ATP8A2: variants seen among roughly 807,000 people sequenced by gnomAD.
The protein encoded by ATP8A2 is phospholipid-transporting ATPase IB.
A neutral mutation model predicts 165.6 loss-of-function variants in ATP8A2; 100 were observed. The ratio of observed to expected loss-of-function variants is 0.60; its 90% CI spans 0.51 to 0.71. The LOEUF (loss-of-function observed/expected upper bound fraction) is 0.71, where lower values mean the gene tolerates loss of function less well. Among genes scored for constraint, ATP8A2 ranks in the 30% least tolerant of loss-of-function variants. The pLI is 0.00. For missense variants in ATP8A2, 1,227 were observed against 1,479.5 expected, an observed-to-expected ratio of 0.83 and a Z score of 2.80; for synonymous variants, 543 against 548.8, an observed-to-expected ratio of 0.99 and a Z score of 0.15.
At chr13:25,843,427 G>A (rs761456963) in intron 30 of ATP8A2, among the ~76,000 whole-genome samples, 5 of 152,152 alleles carry the variant, frequency 3.3e-5, no homozygotes, top group Non-Finnish European at 5.9e-5. Context: ...ACTGTAAGGT[G>A]ATGGTATACA....
At chr13:25,985,414 C>T (rs922433347) in intron 35 of ATP8A2, among the ~76,000 whole-genome samples, 2 of 152,154 alleles carry the variant, frequency 1.3e-5, no homozygotes, top group Admixed American at 6.5e-5. Flanking sequence ...TTTCCTTGGG[C>T]CAGTGGTTCT....
chr13:25,731,612 G>A (rs1180329913), intron 25 of ATP8A2, among the ~76,000 whole-genome samples: 5 of 152,238 alleles, frequency 3.3e-5, no homozygotes, highest in East Asian at 1.9e-4. Context: ...GCTGATATAC[G>A]ATATTTAGGC....
At chr13:25,624,666 TAATC>T (rs2041057809) in intron 24 of ATP8A2, among the ~76,000 whole-genome samples, 1 of 152,222 alleles carries the variant, frequency 6.6e-6, no homozygotes, top group Non-Finnish European at 1.5e-5. Flanking sequence ...AATTATGTGT[TAATC>T]AAGTTAGTGA....
intron 1 of ATP8A2, among the ~76,000 whole-genome samples, chr13:25,443,141 G>A (rs1040066626): frequency 1.8e-4 from 28 of 151,890 alleles, no homozygotes; most frequent in African/African-American, 6.5e-4. Flanking sequence ...TGTTTTTTAC[G>A]GTTTAATTTC....
At chr13:25,600,919 C>T (rs1257720569) in intron 24 of ATP8A2, among the ~76,000 whole-genome samples, 3 of 152,136 alleles carry the variant, frequency 2.0e-5, no homozygotes, top group Non-Finnish European at 4.4e-5. Flanking sequence ...CAGGAGGACA[C>T]GGGATACTAC....
intron 26 of ATP8A2, among the ~76,000 whole-genome samples, chr13:25,773,670 G>C (rs1156495307): frequency 1.3e-5 from 2 of 152,154 alleles, no homozygotes; most frequent in African/African-American, 4.8e-5. Context: ...AGACAAAATG[G>C]GTCAAGAAGT....
intron 16 of ATP8A2, among the ~76,000 whole-genome samples, chr13:25,565,942 T>C (rs1310023305): frequency 6.6e-6 from 1 of 152,116 alleles, no homozygotes; most frequent in East Asian, 1.9e-4. Context: ...AAATTAGATG[T>C]AATATGATTA....
intron 35 of ATP8A2, among the ~76,000 whole-genome samples, chr13:25,975,792 A>G (rs1416398261): frequency 1.3e-5 from 2 of 152,152 alleles, no homozygotes; most frequent in Admixed American, 6.5e-5. Flanking sequence ...CAGTCCACCT[A>G]TGCTTTAGGA....
chr13:25,565,222 T>C (rs958822444), intron 16 of ATP8A2, among the ~76,000 whole-genome samples: 4 of 152,194 alleles, frequency 2.6e-5, no homozygotes, highest in African/African-American at 9.7e-5. Flanking sequence ...TGTGCAAGTA[T>C]TTTTTCCTCT....
At chr13:25,475,170 C>G (rs1357292912) in intron 2 of ATP8A2, among the ~76,000 whole-genome samples, 1 of 151,982 alleles carries the variant, frequency 6.6e-6, no homozygotes, top group Non-Finnish European at 1.5e-5. Context: ...CCTCCTTCTC[C>G]CACCCTCCAC....
At chr13:25,417,399 C>T (rs1472825468) in intron 1 of ATP8A2, among the ~76,000 whole-genome samples, 1 of 99,444 alleles carries the variant, frequency 1.0e-5, no homozygotes, top group Non-Finnish European at 2.2e-5. Context: ...TGACACTGGC[C>T]AGTTTCTTTA....
intron 35 of ATP8A2, among the ~76,000 whole-genome samples, chr13:25,977,321 G>A (rs1956072846): frequency 6.6e-6 from 1 of 151,852 alleles, no homozygotes; most frequent in African/African-American, 2.4e-5. Context: ...CAGCTGGAGA[G>A]CCAACGACGC....
At chr13:25,967,850 G>C (rs2139206481) in intron 34 of ATP8A2, among the ~76,000 whole-genome samples, 1 of 152,246 alleles carries the variant, frequency 6.6e-6, no homozygotes. Context: ...TCATCTTAGT[G>C]TCCTCAGTAA....
intron 35 of ATP8A2, among the ~76,000 whole-genome samples, chr13:25,999,352 T>C (rs1566340240): frequency 1.3e-5 from 2 of 152,274 alleles, no homozygotes; most frequent in East Asian, 3.9e-4. Flanking sequence ...GCATCTCAGC[T>C]TTGACCTCTC....
chr13:25,779,122 A>G (rs1453679746), intron 27 of ATP8A2, among the ~76,000 whole-genome samples: 3 of 151,970 alleles, frequency 2.0e-5, no homozygotes, highest in African/African-American at 7.2e-5. Flanking sequence ...AGATGCTAAA[A>G]AAAAAAAAAG....
intron 1 of ATP8A2, among the ~76,000 whole-genome samples, chr13:25,457,564 G>A (rs1234745209): frequency 6.6e-6 from 1 of 152,124 alleles, no homozygotes; most frequent in Non-Finnish European, 1.5e-5. Context: ...ATGAGGATTG[G>A]ATGGATTTAC....
chr13:25,796,853 G>T (rs892524315), intron 27 of ATP8A2, among the ~76,000 whole-genome samples: 16 of 151,606 alleles, frequency 1.1e-4, no homozygotes, highest in East Asian at 1.9e-4. Context: ...ATATTACTTG[G>T]TTTTTTTTAA....
At chr13:25,655,453 C>A (rs182992076) in intron 24 of ATP8A2, among the ~76,000 whole-genome samples, 87 of 152,336 alleles carry the variant, frequency 5.7e-4, no homozygotes, top group African/African-American at 2.0e-3. Context: ...GCCACCACAC[C>A]CAGCCATCAG....
chr13:25,384,920 G>C (rs777030597), intron 1 of ATP8A2, among the ~76,000 whole-genome samples: 6 of 152,190 alleles, frequency 3.9e-5, no homozygotes, highest in Non-Finnish European at 8.8e-5. Context: ...ACACTGCCTT[G>C]AGCAAGTGCA....
Sources: allele counts gnomAD v4.1 joint callset (sites outside exome capture counted in the v4.1 genomes callset), GRCh38; gene constraint gnomAD v4.1.1; transcripts MANE v1.5; gene names NCBI Gene and HGNC (gene_info 2026-07-23, HGNC 2026-07-21).